The following RHBDD1 variants were observed in gnomAD, a reference collection of about 807,000 sequenced individuals.
RHBDD1 encodes rhomboid-related protein 4.
Under a neutral mutation model 36.3 loss-of-function variants are expected in RHBDD1, and 38 were observed. The ratio of observed to expected loss-of-function variants is 1.05; its 90% CI spans 0.81 to 1.37. RHBDD1 has a LOEUF of 1.37. RHBDD1 is among the 40% of genes most tolerant of loss of function. The probability of loss-of-function intolerance (pLI) is 0.00; values close to 1 mark genes in which losing one functional copy is unlikely to be tolerated. For missense variants in RHBDD1, 393 were observed against 377.6 expected (o/e 1.04, Z -0.34); for synonymous variants, 151 against 136.5 (o/e 1.11, Z -0.74).
chr2:226,943,323 T>C (rs1344388017), intron 8 of RHBDD1, among the ~76,000 whole-genome samples: 1 of 152,176 alleles, frequency 6.6e-6, no homozygotes, highest in Non-Finnish European at 1.5e-5. Context: ...ATTATTTGCT[T>C]TGGAAAAATT....
At chr2:226,994,004 C>A (rs1043168893) in intron 8 of RHBDD1, among the ~76,000 whole-genome samples, 1 of 152,182 alleles carries the variant, frequency 6.6e-6, no homozygotes, top group Non-Finnish European at 1.5e-5. Flanking sequence ...CCTTCCCAGC[C>A]AGGCTAGTGC....
chr2:226,864,941 T>A lies in RHBDD1; in HGVS notation c.248T>A (p.Phe83Tyr). 1 of 1,614,246 alleles carries A rather than the reference T, an allele frequency of 6.2e-7. No individual in the cohort carries two copies. Among genetic ancestry groups the A allele is most frequent in the African/African-American group, 1.3e-5 (1 of 75,072 alleles). The change falls in exon 4 of 9, where the codon TTC becomes TAC. Residue 83 changes from phenylalanine (F) to tyrosine (Y), a missense_variant. Physicochemically the swap from Phe to Tyr is conservative, Grantham distance 22. Coordinates refer to ENST00000392062, the MANE Select transcript of RHBDD1 (RefSeq NM_001167608.3). ...LHHADDWHLY[F>Y]NMASMLWKGI... ...CATGCTGATGATTGGCATTTGTATT[T>A]CAATATGGCATCCATGCTCTGGAAA...
chr2:226,898,214 G>A (rs1167374506), intron 5 of RHBDD1, among the ~76,000 whole-genome samples: 4 of 152,084 alleles, frequency 2.6e-5, no homozygotes, highest in African/African-American at 4.8e-5. Flanking sequence ...GGCAGAATGC[G>A]ACCTACTTGA....
chr2:226,971,088 A>G (rs954389281), intron 8 of RHBDD1, among the ~76,000 whole-genome samples: 1 of 151,920 alleles, frequency 6.6e-6, no homozygotes, highest in Non-Finnish European at 1.5e-5. Flanking sequence ...TTTCTGTTTC[A>G]TTTTGGAACC....
rs942910058 is a variant in RHBDD1, at chr2:226,997,802, C to G, written c.*2280C>G. The G allele has an allele frequency of 3.3e-5, 5 of 152,070 alleles. No homozygotes were observed. The highest frequency in any genetic ancestry group is 7.4e-5 in the Non-Finnish European group (5 of 68,020). 9.4% of individuals were successfully genotyped at this position (152,070 alleles called of 1,614,324 possible). A position where few individuals can be genotyped will look rare whatever the true frequency, so the allele number is the denominator to read the frequency against. Reference sequence around the variant, plus strand: ...AGGTCATTTTAGTTATAAATGTAAACCAATTACTTTAGCACAACAATAAAG... The same window carrying G: ...AGGTCATTTTAGTTATAAATGTAAAGCAATTACTTTAGCACAACAATAAAG... On this transcript the variant is annotated 3_prime_UTR_variant, in exon 9 of 9. Coordinates refer to ENST00000392062, the MANE Select transcript of RHBDD1 (RefSeq NM_001167608.3).
intron 5 of RHBDD1, among the ~76,000 whole-genome samples, chr2:226,882,442 AAAAAAAAAAAAAGAAGAAG>A (rs1237592284): frequency 6.6e-6 from 1 of 150,692 alleles, no homozygotes; most frequent in Non-Finnish European, 1.5e-5. Flanking sequence ...AAAAAAAAAA[AAAAAAAAAAAAAGAAGAAG>A]AAGAAGAAGA....
At chr2:226,809,966 A>G in the RHBDD1 span, among the ~76,000 whole-genome samples, 1 of 152,346 alleles carries the variant, frequency 6.6e-6, no homozygotes, top group East Asian at 1.9e-4. Context: ...TAAAATTACC[A>G]TGTCATTGGT....
intron 8 of RHBDD1, among the ~76,000 whole-genome samples, chr2:226,957,834 C>T (rs767442258): frequency 2.0e-5 from 3 of 151,884 alleles, no homozygotes; most frequent in Non-Finnish European, 4.4e-5. Context: ...TGATCAAAAC[C>T]GCAATGAGAT....
chr2:226,902,925 A>T (rs985994506), intron 5 of RHBDD1, among the ~76,000 whole-genome samples: 2 of 152,216 alleles, frequency 1.3e-5, no homozygotes, highest in African/African-American at 4.8e-5. Context: ...GAGATTCAAG[A>T]TTAATTGTTT....
chr2:226,931,626 G>A (rs1339751669), intron 8 of RHBDD1, among the ~76,000 whole-genome samples: 1 of 151,854 alleles, frequency 6.6e-6, no homozygotes, highest in African/African-American at 2.4e-5. Flanking sequence ...AAAATTACTT[G>A]TACCCCTAAA....
At chr2:226,992,824 T>G (rs1958555009) in intron 8 of RHBDD1, among the ~76,000 whole-genome samples, 1 of 152,162 alleles carries the variant, frequency 6.6e-6, no homozygotes, top group Admixed American at 6.5e-5. Context: ...GGGAAAAGAC[T>G]CAGAAGGTTC....
intron 3 of RHBDD1, among the ~76,000 whole-genome samples, chr2:226,850,277 A>G (rs980293863): frequency 6.6e-6 from 1 of 152,198 alleles, no homozygotes; most frequent in Admixed American, 6.5e-5. Flanking sequence ...GCAAACACCT[A>G]AAGACAAACA....
At chr2:226,947,786 C>T (rs1159241416) in intron 8 of RHBDD1, among the ~76,000 whole-genome samples, 2 of 152,082 alleles carry the variant, frequency 1.3e-5, no homozygotes, top group Non-Finnish European at 2.9e-5. Flanking sequence ...CAAAAGAGGA[C>T]ATTTATGCAG....
At chr2:226,918,113 C>A (rs1949043559) in intron 8 of RHBDD1, among the ~76,000 whole-genome samples, 3 of 151,910 alleles carry the variant, frequency 2.0e-5, no homozygotes, top group Admixed American at 2.0e-4. Context: ...GACCAGTGTG[C>A]ATCTAAAAAT....
intron 5 of RHBDD1, among the ~76,000 whole-genome samples, chr2:226,901,833 T>G (rs977783926): frequency 2.6e-5 from 4 of 152,218 alleles, no homozygotes; most frequent in Non-Finnish European, 5.9e-5. Flanking sequence ...TGACTAGACA[T>G]TTTTCTAAAA....
At chr2:226,832,040 C>T (rs1332174135), upstream of RHBDD1, among the ~76,000 whole-genome samples, 2 of 148,744 alleles carry the variant, frequency 1.3e-5, no homozygotes, top group East Asian at 3.9e-4. Flanking sequence ...GCAATATGAT[C>T]ATTATTTCCT....
intron 8 of RHBDD1, among the ~76,000 whole-genome samples, chr2:226,926,890 A>T (rs573966380): frequency 6.6e-6 from 1 of 152,240 alleles, no homozygotes; most frequent in South Asian, 2.1e-4. Context: ...GTCTTGTATT[A>T]TGCACTTCTG....
At chr2:226,824,672 A>C in the RHBDD1 span, among the ~76,000 whole-genome samples, 34 of 152,188 alleles carry the variant, frequency 2.2e-4, no homozygotes, top group Non-Finnish European at 7.4e-5. Flanking sequence ...TACTTCTACA[A>C]ATTTTTCAAC....
intron 8 of RHBDD1, chr2:226,988,763 C>T: frequency 5.6e-6 from 5 of 896,016 alleles, no homozygotes; most frequent in South Asian, 5.2e-5. Context: ...AGAATTATTC[C>T]TGTAAGAAGT....
Sources: gnomAD v4.1 joint callset for allele counts (sites outside exome capture counted in the v4.1 genomes callset) on GRCh38, gnomAD v4.1.1 for gene constraint, MANE v1.5 for transcripts, NCBI Gene and HGNC (gene_info 2026-07-23, HGNC 2026-07-21) for gene names.